SLC30A9: variants seen among roughly 807,000 people sequenced by gnomAD.
The protein encoded by SLC30A9 is solute carrier family 30 member 9, also known as proton-coupled zinc antiporter SLC30A9, mitochondrial.
Under a neutral mutation model 87.5 loss-of-function variants are expected in SLC30A9, and 58 were observed. The ratio of observed to expected loss-of-function variants is 0.66; its 90% CI spans 0.54 to 0.82. The LOEUF is 0.82. Among genes scored for constraint, SLC30A9 ranks in the 40% least tolerant of loss-of-function variants. The pLI is 0.00. For synonymous variants in SLC30A9, 234 were observed against 233.0 expected, an observed-to-expected ratio of 1.00 and a Z score of -0.04; for missense variants, 557 against 679.1, an observed-to-expected ratio of 0.82 and a Z score of 2.00.
At chr4:42,017,758 TA>T (rs1178512389) in intron 2 of SLC30A9, among the ~76,000 whole-genome samples, 1 of 152,166 alleles carries the variant, frequency 6.6e-6, no homozygotes, top group Non-Finnish European at 1.5e-5. Flanking sequence ...AAAATGCATT[TA>T]AACATTCACC....
chr4:42,075,974 T>G (rs545887827), intron 16 of SLC30A9, among the ~76,000 whole-genome samples, 188 bp downstream of exon 16: 52 of 152,294 alleles, frequency 3.4e-4, no homozygotes, highest in African/African-American at 1.3e-3. Context: ...AGAACAAACT[T>G]ACTATTTCAT....
chr4:42,071,757 AT>A (rs1201055442), intron 15 of SLC30A9, among the ~76,000 whole-genome samples: 1 of 152,112 alleles, frequency 6.6e-6, no homozygotes, highest in Non-Finnish European at 1.5e-5. Context: ...GATAATCCAA[AT>A]TAATATCCTT....
intron 1 of SLC30A9, among the ~76,000 whole-genome samples, chr4:41,992,438 C>G (rs1466884581): frequency 2.0e-5 from 3 of 152,050 alleles, no homozygotes; most frequent in Non-Finnish European, 4.4e-5. Context: ...TTCTATTGAC[C>G]AAGCAATTTT....
At chr4:42,062,192 C>CAA (rs1263400379) in intron 10 of SLC30A9, among the ~76,000 whole-genome samples, 1 of 88,544 alleles carries the variant, frequency 1.1e-5, no homozygotes, top group Non-Finnish European at 2.4e-5. Context: ...AACTCCGTCT[C>CAA]AAAAAAAAAA....
chr4:42,064,994 A>G (rs1170328027), intron 11 of SLC30A9, among the ~76,000 whole-genome samples: 1 of 152,218 alleles, frequency 6.6e-6, no homozygotes, highest in East Asian at 1.9e-4. Context: ...TTACCAAAAA[A>G]CAAACATTGG....
chr4:41,991,195 C>A (rs905680959), intron 1 of SLC30A9, among the ~76,000 whole-genome samples: 1 of 152,236 alleles, frequency 6.6e-6, no homozygotes, highest in Non-Finnish European at 1.5e-5. Context: ...TCTTACTCTC[C>A]CAACTTATTT....
At position 42,032,783 on chromosome 4, in the gene SLC30A9, C is replaced by T. The variant is rs186685290; in HGVS notation, c.611-2492C>T. ...AGTCCCTTTGTCATAACTCTAGTAT[C>T]ATGGCGTCCTTACTTTCAGGAATAA... On this transcript the variant is annotated intron_variant, in intron 6 of 17. Coordinates refer to ENST00000264451, the MANE Select transcript of SLC30A9 (RefSeq NM_006345.4). 3.2e-3 allele frequency among the ~76,000 whole-genome samples: 490 copies of T among 152,320 alleles called. 2 individuals are homozygous for T. The highest frequency in any genetic ancestry group is 0.011 in the African/African-American group (470 of 41,574).
At position 42,087,008 on chromosome 4, in the gene SLC30A9, A is replaced by G. The variant is rs942705342; in HGVS notation, c.*882A>G. 2.0e-5 allele frequency: 3 copies of G among 152,204 alleles called. No homozygotes were observed. The highest frequency in any genetic ancestry group is 4.4e-5 in the Non-Finnish European group (3 of 68,036). The allele number at this position is 152,204 out of a possible 1,614,324, so 9.4% of individuals were successfully genotyped here. A position where few individuals can be genotyped will look rare whatever the true frequency, so the allele number is the denominator to read the frequency against. On this transcript the variant is annotated 3_prime_UTR_variant, in exon 18 of 18. Transcript: ENST00000264451. The stretch of plus-strand genomic sequence containing the variant: ...ATATTTATAATTTTACAGGCAGGAC[A>G]GCATTTGACTTTTATTTAAAAGGCG...
At chr4:42,019,886 CA>C (rs1458800311) in intron 3 of SLC30A9, among the ~76,000 whole-genome samples, 1 of 152,016 alleles carries the variant, frequency 6.6e-6, no homozygotes, top group Non-Finnish European at 1.5e-5. Flanking sequence ...CTCTGCCTCC[CA>C]AGTTCAAGTG....
At chr4:42,005,345 T>G (rs992321134) in intron 2 of SLC30A9, among the ~76,000 whole-genome samples, 5 of 152,232 alleles carry the variant, frequency 3.3e-5, no homozygotes, top group Non-Finnish European at 7.3e-5. Context: ...TAGATTTACA[T>G]TGTGAATTCA....
At chr4:42,047,352 A>G (rs955373078) in intron 8 of SLC30A9, among the ~76,000 whole-genome samples, 1 of 152,264 alleles carries the variant, frequency 6.6e-6, no homozygotes, top group African/African-American at 2.4e-5. Context: ...GCTAATATCC[A>G]GAATCTACAA....
intron 9 of SLC30A9, 46 bp from the exon 10 acceptor site, chr4:42,060,145 T>C (rs2153139633): frequency 6.9e-7 from 1 of 1,439,094 alleles, no homozygotes; most frequent in East Asian, 2.3e-5. Context: ...TATTATACTC[T>C]CCATCTTGCT....
At chr4:42,070,356 C>T (rs537464688) in intron 14 of SLC30A9, 170 bp from the exon 15 acceptor site, 153 of 509,892 alleles carry the variant, frequency 3.0e-4, no homozygotes, top group Non-Finnish European at 4.8e-4. Context: ...GTAGCATCCT[C>T]ATTTTGTGGT....
At chr4:42,022,999 C>A in intron 5 of SLC30A9, 69 bp downstream of exon 5, 3 of 876,104 alleles carry the variant, frequency 3.4e-6, no homozygotes, top group Non-Finnish European at 5.3e-6. Flanking sequence ...ACATTTTAGA[C>A]AGAGTCAGAA....
chr4:42,064,941 A>G (rs1718021151), intron 11 of SLC30A9, among the ~76,000 whole-genome samples: 1 of 151,848 alleles, frequency 6.6e-6, no homozygotes, highest in African/African-American at 2.4e-5. Context: ...TTTTTTTACC[A>G]TCTTTAATTG....
Position 42,070,665 on chromosome 4 carries a change from A to G in SLC30A9, c.1392A>G (p.Glu464=). 1 of 1,613,764 alleles carries G rather than the reference A, an allele frequency of 6.2e-7. No individual in the cohort carries two copies. Among genetic ancestry groups the G allele is most frequent in the Admixed American group, 1.7e-5 (1 of 59,994 alleles). ...CAGAACAAGTACAACGGCTCACTGA[A>G]CTCCTGGAGAATGACCCATCAGTAA... ...IQPEQVQRLT[E]LLENDPSVRA... Residue 464 remains glutamate, a synonymous_variant, in exon 15 of 18, where the codon GAA becomes GAG. Transcript: ENST00000264451.
intron 17 of SLC30A9, among the ~76,000 whole-genome samples, chr4:42,079,311 T>A (rs1718671676): frequency 6.6e-6 from 1 of 151,552 alleles, no homozygotes; most frequent in African/African-American, 2.4e-5. Flanking sequence ...TTTTTTTTTT[T>A]AACTAAGAAT....
chr4:42,019,399 G>C (rs1715849321), intron 3 of SLC30A9, among the ~76,000 whole-genome samples: 1 of 152,082 alleles, frequency 6.6e-6, no homozygotes, highest in Non-Finnish European at 1.5e-5. Context: ...ATGCCAAATT[G>C]GTATTGGTAT....
At chr4:42,021,435 C>A (rs1161076292) in intron 4 of SLC30A9, among the ~76,000 whole-genome samples, 1 of 152,176 alleles carries the variant, frequency 6.6e-6, no homozygotes, top group Non-Finnish European at 1.5e-5. Flanking sequence ...AACTTGATAA[C>A]ATTACATAGT....
Sources: gnomAD v4.1 joint callset for allele counts (sites outside exome capture counted in the v4.1 genomes callset) on GRCh38, gnomAD v4.1.1 for gene constraint, MANE v1.5 for transcripts, NCBI Gene and HGNC (gene_info 2026-07-23, HGNC 2026-07-21) for gene names.